The following PTPRT variants were observed in gnomAD, a reference collection of about 807,000 sequenced individuals.
PTPRT encodes receptor-type tyrosine-protein phosphatase T.
In PTPRT, 56 loss-of-function variants were observed where a neutral mutation model predicts 176.8. The ratio of observed to expected loss-of-function variants is 0.32; its 90% CI spans 0.26 to 0.40. The LOEUF (loss-of-function observed/expected upper bound fraction) is 0.40. Ranked by LOEUF, PTPRT falls within the 10% of genes least tolerant of loss-of-function variation. The pLI is 1.00. For synonymous variants in PTPRT, 783 were observed against 739.0 expected (o/e 1.06, Z -0.96); for missense variants, 1,540 against 1,908.2 (o/e 0.81, Z 3.60).
chr20:42,205,624 C>T (rs935043087), intron 15 of PTPRT, among the ~76,000 whole-genome samples: 21 of 152,110 alleles, frequency 1.4e-4, no homozygotes, highest in Non-Finnish European at 2.9e-4. Flanking sequence ...CAGGAGTCTA[C>T]AGGGTTCCAC....
intron 7 of PTPRT, among the ~76,000 whole-genome samples, chr20:42,483,909 C>T (rs952205564): frequency 6.6e-6 from 1 of 152,202 alleles, no homozygotes; most frequent in Non-Finnish European, 1.5e-5. Flanking sequence ...AGGGAGCCTG[C>T]GGGGCAGGAG....
chr20:42,332,366 C>T (rs558365460), intron 11 of PTPRT, among the ~76,000 whole-genome samples: 7 of 152,124 alleles, frequency 4.6e-5, no homozygotes, highest in Admixed American at 6.5e-5. Flanking sequence ...CCCACCACCA[C>T]GCCTGGCTAA....
chr20:42,371,802 A>C lies in PTPRT; in HGVS notation c.1561-19517T>G, dbSNP rs1262251288. On this transcript the variant is annotated intron_variant, in intron 9 of 30. Coordinates refer to ENST00000373187, the MANE Select transcript of PTPRT (RefSeq NM_007050.6). Reference sequence around the variant, plus strand: ...TAATTTCAGAATCAGTCCTTTCATCAAGGGGGCATTATCAGTTGTGTCCAG... The same window carrying C: ...TAATTTCAGAATCAGTCCTTTCATCCAGGGGGCATTATCAGTTGTGTCCAG... 2.6e-5 allele frequency among the ~76,000 whole-genome samples: 4 copies of C among 152,150 alleles called. No individual in the cohort carries two copies. The East Asian group carries it at 7.7e-4, about 29-fold the overall frequency.
intron 12 of PTPRT, among the ~76,000 whole-genome samples, chr20:42,284,283 C>T (rs574780272): frequency 5.7e-4 from 86 of 152,040 alleles, no homozygotes; most frequent in African/African-American, 1.9e-3. Context: ...TGGTGTTTAT[C>T]CGTCTCCCCC....
intron 16 of PTPRT, among the ~76,000 whole-genome samples, chr20:42,164,397 G>A (rs1989738071): frequency 6.6e-6 from 1 of 152,172 alleles, no homozygotes. Flanking sequence ...CACTGGAATG[G>A]AAAATAAATG....
At chr20:42,597,573 C>T (rs777062024) in intron 7 of PTPRT, among the ~76,000 whole-genome samples, 2 of 152,140 alleles carry the variant, frequency 1.3e-5, no homozygotes, top group Non-Finnish European at 2.9e-5. Context: ...TTAGAAGTGT[C>T]TAGCACCTCC....
At position 42,315,991 on chromosome 20, in the gene PTPRT, T is replaced by A; in HGVS notation, c.1871A>T (p.Tyr624Phe). The change falls in exon 12 of 31, where the codon TAT (tyrosine) becomes TTT (phenylalanine). Residue 624 changes from tyrosine to phenylalanine, a missense_variant. Tyr to Phe is a conservative substitution (Grantham distance 22, BLOSUM62 3). This residue lies in a region of PTPRT where 81 missense variants were observed against 89.9 expected (regional missense o/e 0.90). Coordinates refer to ENST00000373187, the MANE Select transcript of PTPRT (RefSeq NM_007050.6). ...AQSRGAPVSV[Y>F]QLVVKEERLQ... ...TCGCTCCTCCTTGACAACCAGCTGA[T>A]AAACACTGGACAGGAAAGAGGAGAC... 1.2e-6 allele frequency: 2 copies of A among 1,613,890 alleles called. No individual in the cohort carries two copies. The highest frequency in any genetic ancestry group is 1.1e-5 in the South Asian group (1 of 91,058).
chr20:42,088,170 G>GTGTT (rs1346907304), intron 27 of PTPRT, among the ~76,000 whole-genome samples: 3 of 152,184 alleles, frequency 2.0e-5, no homozygotes, highest in Non-Finnish European at 1.5e-5. Context: ...AAGAAGTCAT[G>GTGTT]TGTTAGACCC....
intron 1 of PTPRT, among the ~76,000 whole-genome samples, chr20:42,889,556 G>T (rs2079157715): frequency 6.6e-6 from 1 of 152,148 alleles, no homozygotes; most frequent in African/African-American, 2.4e-5. Flanking sequence ...GTCACTCTGG[G>T]GACCTTAATG....
intron 1 of PTPRT, among the ~76,000 whole-genome samples, chr20:42,929,701 C>G (rs1045427074): frequency 2.6e-5 from 4 of 152,190 alleles, no homozygotes; most frequent in African/African-American, 9.7e-5. Flanking sequence ...CCCTCAGAGT[C>G]AAAATAGCGG....
chr20:42,494,293 T>C (rs1039178738), intron 7 of PTPRT, among the ~76,000 whole-genome samples: 1 of 152,102 alleles, frequency 6.6e-6, no homozygotes, highest in Non-Finnish European at 1.5e-5. Context: ...TCTTTGAAAA[T>C]TAGGGAAACA....
rs376449357 is a variant in PTPRT at position 43,025,676 on chromosome 20, A to G, written c.89-139744T>C. ...AAAGGTTCCTGTCTTAGGTTGAGTTAAACTTTGCTTCCCAGGACTTGTCAC... is the reference window on the plus strand; with the variant it reads ...AAAGGTTCCTGTCTTAGGTTGAGTTGAACTTTGCTTCCCAGGACTTGTCAC... On this transcript the variant is annotated intron_variant, in intron 1 of 30. Coordinates refer to ENST00000373187, the MANE Select transcript of PTPRT (RefSeq NM_007050.6). Among the ~76,000 whole-genome samples the G allele has an allele frequency of 1.1e-4, 16 of 152,284 alleles. No individual in the cohort carries two copies. In the East Asian group the frequency reaches 1.9e-3, roughly 18 times the overall value.
At chr20:43,046,392 C>T (rs1228050919) in intron 1 of PTPRT, among the ~76,000 whole-genome samples, 2 of 151,818 alleles carry the variant, frequency 1.3e-5, no homozygotes, top group African/African-American at 4.8e-5. Context: ...CACCGTGAAA[C>T]CCTGTCTCTA....
At chr20:42,686,457 C>CTTTTTTTTTTTTTTTTTTTTTTTTTTTT (rs71193668) in intron 6 of PTPRT, 1 of 78,314 alleles carries the variant, frequency 1.3e-5, no homozygotes, top group Non-Finnish European at 2.3e-5. Context: ...ATAGTGCACT[C>CTTTTTTTTTTTTTTTTTTTTTTTTTTTT]TTTTTTTTTT....
At chr20:42,541,040 G>A (rs2145577939) in intron 7 of PTPRT, among the ~76,000 whole-genome samples, 1 of 152,236 alleles carries the variant, frequency 6.6e-6, no homozygotes, top group South Asian at 2.1e-4. Context: ...AACTGGGTGA[G>A]AGAAGTTGGA....
At chr20:43,009,965 T>A (rs757960514) in intron 1 of PTPRT, among the ~76,000 whole-genome samples, 1 of 152,054 alleles carries the variant, frequency 6.6e-6, no homozygotes, top group Non-Finnish European at 1.5e-5. Context: ...ACTCAACACA[T>A]CCAAGGCCAA....
intron 15 of PTPRT, among the ~76,000 whole-genome samples, chr20:42,233,586 C>T (rs987554662): frequency 6.6e-6 from 1 of 152,132 alleles, no homozygotes; most frequent in Non-Finnish European, 1.5e-5. Flanking sequence ...CTTACCTGTT[C>T]GATCCCTTTA....
At chr20:42,709,047 C>A (rs2076103739) in intron 6 of PTPRT, among the ~76,000 whole-genome samples, 1 of 152,234 alleles carries the variant, frequency 6.6e-6, no homozygotes, top group South Asian at 2.1e-4. Flanking sequence ...AATCCAAATA[C>A]TACATGGTGT....
chr20:43,012,654 G>A (rs1212156325), intron 1 of PTPRT, among the ~76,000 whole-genome samples: 2 of 152,148 alleles, frequency 1.3e-5, no homozygotes, highest in African/African-American at 4.8e-5. Flanking sequence ...GAGAAGAATG[G>A]GCAGTGCTAT....
Sources: gnomAD v4.1 joint callset for allele counts (sites outside exome capture counted in the v4.1 genomes callset) on GRCh38, gnomAD v4.1.1 for gene constraint, gnomAD v4.1.1 regional missense constraint, MANE v1.5 for transcripts, NCBI Gene and HGNC (gene_info 2026-07-23, HGNC 2026-07-21) for gene names.